The following FBRSL1 variants were observed in gnomAD, a reference collection of about 807,000 sequenced individuals.
FBRSL1 encodes fibrosin-1-like protein.
FBRSL1 carries 51 observed loss-of-function variants against 89.6 expected under a neutral mutation model. The observed-to-expected ratio is 0.57, with a 90% CI of 0.45 to 0.72. FBRSL1 has a LOEUF of 0.72. Among genes scored for constraint, FBRSL1 ranks in the 30% least tolerant of loss-of-function variants. FBRSL1 has a pLI of 0.00. For missense variants in FBRSL1, 1,618 were observed against 1,451.8 expected (o/e 1.11, Z -1.86); for synonymous variants, 779 against 681.1 (o/e 1.14, Z -2.24).
chr12:132,580,128 G>C (rs540915975), intron 15 of FBRSL1, among the ~76,000 whole-genome samples: 1 of 152,012 alleles, frequency 6.6e-6, no homozygotes, highest in Non-Finnish European at 1.5e-5. Context: ...TTGCTGTGTC[G>C]CCAGGCTGGA....
At chr12:132,541,817 C>T (rs2037293204) in intron 4 of FBRSL1, among the ~76,000 whole-genome samples, 1 of 152,250 alleles carries the variant, frequency 6.6e-6, no homozygotes, top group Non-Finnish European at 1.5e-5. Context: ...GCACTGCCAT[C>T]TGGGAAGATG....
chr12:132,545,538 T>C (rs1201530437), intron 4 of FBRSL1, among the ~76,000 whole-genome samples: 1 of 152,246 alleles, frequency 6.6e-6, no homozygotes, highest in Non-Finnish European at 1.5e-5. Context: ...GTCTCCTTGC[T>C]GTTGGATGCA....
At chr12:132,504,611 G>T (rs907768311) in intron 1 of FBRSL1, among the ~76,000 whole-genome samples, 2 of 152,088 alleles carry the variant, frequency 1.3e-5, no homozygotes, top group Non-Finnish European at 1.5e-5. Context: ...GCACACCTGT[G>T]GGGGGTTCAA....
In FBRSL1 at chr12:132,583,115, C is replaced by G; in HGVS notation, c.2346C>G (p.Val782=). 1 of 1,458,064 alleles carries G rather than the reference C, an allele frequency of 6.9e-7. No individual in the cohort carries two copies. The highest frequency in any genetic ancestry group is 1.3e-5 in the South Asian group (1 of 77,984). 90.3% of individuals were successfully genotyped at this position (1,458,064 alleles called of 1,614,324 possible). Residue 782 remains valine, a synonymous_variant, in exon 19 of 19, where the codon GTC becomes GTG. Transcript: ENST00000680143. The part of the protein sequence containing the change: ...APAEREAEPR[V]KESRSPAKEE... Reference sequence around the variant, plus strand: ...CGGAGCGCGAGGCCGAACCTCGGGTCAAGGAGAGCCGCTCCCCGGCCAAGG... The same window carrying G: ...CGGAGCGCGAGGCCGAACCTCGGGTGAAGGAGAGCCGCTCCCCGGCCAAGG...
chr12:132,580,236 C>T lies in FBRSL1; in HGVS notation c.1835-1203C>T, dbSNP rs569702535. On this transcript the variant is annotated intron_variant, in intron 15 of 18. Coordinates refer to ENST00000680143, the MANE Select transcript of FBRSL1 (RefSeq NM_001367871.1). ...CCAAGTGGCTGGGACTACAGGCAGG[C>T]GCCACTACACCTGGCTAATTTTTGT... is the stretch of plus-strand genomic sequence containing the variant. 2.2e-3 allele frequency among the ~76,000 whole-genome samples: 337 copies of T among 152,236 alleles called. 2 individuals are homozygous for T. Among genetic ancestry groups the T allele is most frequent in the African/African-American group, 7.8e-3 (323 of 41,540 alleles).
At chr12:132,552,927 C>G (rs570434625) in intron 5 of FBRSL1, 1 of 157,776 alleles carries the variant, frequency 6.3e-6, no homozygotes, top group East Asian at 1.9e-4. Flanking sequence ...GAAATTTCAA[C>G]AGCAGTCCAG....
intron 4 of FBRSL1, among the ~76,000 whole-genome samples, chr12:132,544,243 A>G (rs1366156834): frequency 2.0e-5 from 3 of 152,184 alleles, no homozygotes; most frequent in Admixed American, 2.0e-4. Flanking sequence ...CACGAGGGCC[A>G]TTATTGGATG....
chr12:132,538,527 C>T (rs914231387), intron 4 of FBRSL1, among the ~76,000 whole-genome samples: 3 of 152,204 alleles, frequency 2.0e-5, no homozygotes, highest in Non-Finnish European at 2.9e-5. Flanking sequence ...GTGATGGCCA[C>T]GGGGCCGCCA....
At chr12:132,574,775 G>A (rs779970400) in intron 14 of FBRSL1, among the ~76,000 whole-genome samples, 17 of 152,100 alleles carry the variant, frequency 1.1e-4, no homozygotes, top group East Asian at 3.9e-4. Context: ...CCCGGGTGCC[G>A]CAAGGCCCTC....
Position 132,519,491 on chromosome 12 carries a change from G to A in FBRSL1, c.490-6243G>A, listed in dbSNP as rs1452820225. ...TGACTCCCCACTCCCAACTCTGAGA[G>A]TCGTTCTCCTTCCCATAGGCTATGC... On this transcript the variant is annotated intron_variant, in intron 2 of 18. Transcript: ENST00000680143. Among the ~76,000 whole-genome samples, 4 of 152,238 alleles carry A rather than the reference G, an allele frequency of 2.6e-5. No individual in the cohort carries two copies. In the East Asian group the frequency reaches 7.7e-4, roughly 29 times the overall value.
At chr12:132,511,881 A>G (rs1401100955) in intron 2 of FBRSL1, 2 of 939,986 alleles carry the variant, frequency 2.1e-6, no homozygotes, top group Admixed American at 6.4e-5. Flanking sequence ...TGGGGCCTCC[A>G]TCCCAGAAGC....
chr12:132,570,350 C>T lies in FBRSL1; in HGVS notation c.1023C>T (p.Ala341=). 2 of 1,531,630 alleles carry T rather than the reference C, an allele frequency of 1.3e-6. No individual in the cohort carries two copies. The highest frequency in any genetic ancestry group is 2.4e-5 in the South Asian group (2 of 83,316). The allele number at this position is 1,531,630 out of a possible 1,614,324, so 94.9% of individuals were successfully genotyped here. A position where few individuals can be genotyped will look rare whatever the true frequency, so the allele number is the denominator to read the frequency against. ...GLHGLSRSSS[A]PLGLGKHVSL... ...TGTCCCGCAGCAGGAGCAGCAGCGC[C>T]CCCCTGGGCCTGGGGAAGCACGTGT... Residue 341 remains alanine (A), a synonymous_variant, in exon 8 of 19, where the codon GCC becomes GCT. Transcript: ENST00000680143.
rs1387250944 is a variant in FBRSL1 at position 132,499,313 on chromosome 12, GGTGGTGCTGGGCAGCA to G, written c.291+8463_291+8478del. ...AGCAGGGAAGGGCCAGCCAGGCAGG[GGTGGTGCTGGGCAGCA>G]GTGGTGCTGGACCTCTGGGAGAGGC... is the stretch of plus-strand genomic sequence containing the variant. On this transcript the variant is annotated intron_variant, in intron 1 of 18. Transcript: ENST00000680143. The surrounding 1 kb of genome is among the most constrained non-coding windows in gnomAD (Gnocchi z 4.3). 7.4e-6 allele frequency among the ~76,000 whole-genome samples: 1 copy of G among 134,980 alleles called. No individual in the cohort carries two copies. Among genetic ancestry groups the G allele is most frequent in the Non-Finnish European group, 1.7e-5 (1 of 58,788 alleles). The allele number at this position is 134,980 out of a possible 152,430, so 88.6% of individuals were successfully genotyped here.
At chr12:132,536,907 G>GACATATACA (rs2036808582) in intron 4 of FBRSL1, among the ~76,000 whole-genome samples, 2 of 152,254 alleles carry the variant, frequency 1.3e-5, no homozygotes, top group African/African-American at 4.8e-5. Context: ...GTACGTAACG[G>GACATATACA]TGTCTTTGCA....
chr12:132,560,134 C>CGGGCCA (rs1256130346), intron 5 of FBRSL1: 1 of 151,816 alleles, frequency 6.6e-6, no homozygotes, highest in Non-Finnish European at 1.5e-5. Flanking sequence ...GTCGCCTGGA[C>CGGGCCA]GGGCCAGGGC....
intron 1 of FBRSL1, among the ~76,000 whole-genome samples, chr12:132,497,079 T>G (rs1335167658): frequency 2.0e-5 from 3 of 152,276 alleles, no homozygotes; most frequent in Admixed American, 6.5e-5. Flanking sequence ...GTAAAGTTAG[T>G]CTGGTAGTCT....
intron 6 of FBRSL1, among the ~76,000 whole-genome samples, chr12:132,569,691 C>T (rs568745017): frequency 6.6e-6 from 1 of 152,210 alleles, no homozygotes; most frequent in Non-Finnish European, 1.5e-5. Flanking sequence ...CCCACCCCCA[C>T]CCCTGGCCAC....
rs889167681 is a variant in FBRSL1, at chr12:132,564,874, C to T, written c.646-2607C>T. Among the ~76,000 whole-genome samples the T allele has an allele frequency of 2.6e-5, 4 of 151,946 alleles. 1 individual carries two copies. Among genetic ancestry groups the T allele is most frequent in the African/African-American group, 9.7e-5 (4 of 41,326 alleles). On this transcript the variant is annotated intron_variant, in intron 5 of 18. Transcript: ENST00000680143. ...TCGATCTGCTGACCTCGTGATCCGCCGGCCTCGGCCTCCCGCAGTGCTGGG... is the reference window on the plus strand; with the variant it reads ...TCGATCTGCTGACCTCGTGATCCGCTGGCCTCGGCCTCCCGCAGTGCTGGG...
rs79200045 is a variant in FBRSL1 at position 132,581,542 on chromosome 12, G to A, written c.1912+26G>A. 2.8e-3 allele frequency: 4,344 copies of A among 1,548,836 alleles called. 69 individuals carry two copies. The African/African-American group carries it at 0.046, about 16-fold the overall frequency. ...GTGGGTGTCTCTGAATTCAGCCCAC[G>A]CAGCCTGGCTGGTTCCTCAGCAGCC... On this transcript the variant is annotated intron_variant, in intron 16 of 18. Transcript: ENST00000680143.
Sources: allele counts gnomAD v4.1 joint callset (sites outside exome capture counted in the v4.1 genomes callset), GRCh38; gene constraint gnomAD v4.1.1; non-coding constraint Gnocchi (gnomAD v3.1); transcripts MANE v1.5; gene names NCBI Gene and HGNC (gene_info 2026-07-23, HGNC 2026-07-21).